Variants in SLC2A5 observed in about 807,000 individuals in gnomAD.
The protein encoded by SLC2A5 is solute carrier family 2, facilitated glucose transporter member 5.
Under a neutral mutation model 50.3 loss-of-function variants are expected in SLC2A5, and 56 were observed. The observed-to-expected ratio is 1.11, with a 90% confidence interval of 0.90 to 1.39. The LOEUF (loss-of-function observed/expected upper bound fraction) is 1.39. Ranked by LOEUF, SLC2A5 falls within the 40% of genes most tolerant of loss-of-function variation. The pLI is 0.00. For missense variants in SLC2A5, 566 were observed against 650.1 expected, an observed-to-expected ratio of 0.87 and a Z score of 1.41; for synonymous variants, 269 against 281.9, an observed-to-expected ratio of 0.95 and a Z score of 0.46.
rs371649707 is a variant in SLC2A5 at position 9,059,235 on chromosome 1, T to C, written c.34-985A>G. Among the ~76,000 whole-genome samples, 5 of 138,576 alleles carry C rather than the reference T, an allele frequency of 3.6e-5. No homozygotes were observed. In the East Asian group the frequency reaches 7.5e-4, roughly 21 times the overall value. The allele number at this position is 138,576 out of a possible 152,430, so 90.9% of individuals were successfully genotyped here. A position where few individuals can be genotyped will look rare whatever the true frequency, so the allele number is the denominator to read the frequency against. On this transcript the variant is annotated intron_variant, in intron 1 of 11. Transcript: ENST00000377424. The stretch of plus-strand genomic sequence containing the variant: ...TCGGCTCACTGCAAGCTCCGCCTCC[T>C]GGGTTCACGCCATTCTCCTGCCTTA...
chr1:9,067,960 C>T (rs576042255), intron 1 of SLC2A5, among the ~76,000 whole-genome samples: 49 of 152,068 alleles, frequency 3.2e-4, no homozygotes, highest in African/African-American at 1.1e-3. Flanking sequence ...GAGGCCGAGG[C>T]GGGCGGATCA....
intron 1 of SLC2A5, among the ~76,000 whole-genome samples, chr1:9,059,802 G>T (rs908144152): frequency 1.3e-5 from 2 of 152,028 alleles, no homozygotes; most frequent in African/African-American, 2.4e-5. Context: ...CCAAAGTGCT[G>T]GGATTGTAGG....
intron 1 of SLC2A5, among the ~76,000 whole-genome samples, chr1:9,069,191 AT>A (rs1055016522): frequency 6.6e-6 from 1 of 152,192 alleles, no homozygotes; most frequent in African/African-American, 2.4e-5. Flanking sequence ...CCATAGAAGG[AT>A]TTTGCAGCTA....
rs1641146503 is a variant in SLC2A5 at position 9,036,881 on chromosome 1, C to T, written c.*705G>A. 6.8e-6 allele frequency: 1 copy of T among 146,530 alleles called. No homozygotes were observed. The highest frequency in any genetic ancestry group is 2.2e-4 in the South Asian group (1 of 4,562). 9.1% of individuals were successfully genotyped at this position (146,530 alleles called of 1,614,324 possible). A position where few individuals can be genotyped will look rare whatever the true frequency, so the allele number is the denominator to read the frequency against. The stretch of plus-strand genomic sequence containing the variant: ...AGCAAAAATAAAAACAAAAAAAACA[C>T]TGCCTGAATGAGCAGGGAACTTCCT... On this transcript the variant is annotated 3_prime_UTR_variant, in exon 12 of 12. Coordinates refer to ENST00000377424, the MANE Select transcript of SLC2A5 (RefSeq NM_003039.3).
intron 2 of SLC2A5, among the ~76,000 whole-genome samples, chr1:9,076,893 G>A (rs994553620): frequency 6.6e-5 from 10 of 151,696 alleles, no homozygotes; most frequent in South Asian, 2.1e-4. Flanking sequence ...GGGTTCAAGC[G>A]ATTCTTCTGC....
At chr1:9,079,099 G>A (rs911511580) in intron 2 of SLC2A5, among the ~76,000 whole-genome samples, 2 of 152,090 alleles carry the variant, frequency 1.3e-5, no homozygotes, top group Admixed American at 1.3e-4. Context: ...CCACCTGGCC[G>A]CCGGAACCCA....
intron 1 of SLC2A5, among the ~76,000 whole-genome samples, chr1:9,062,108 C>T (rs1311820945): frequency 2.0e-5 from 3 of 152,140 alleles, no homozygotes; most frequent in Admixed American, 2.0e-4. Flanking sequence ...CCCTGCCGGT[C>T]CAGCCAACTT....
chr1:9,080,831 T>G (rs1050941037), intron 2 of SLC2A5, among the ~76,000 whole-genome samples: 1 of 152,246 alleles, frequency 6.6e-6, no homozygotes, highest in Admixed American at 6.5e-5. Flanking sequence ...TTATGGGACC[T>G]TTAATCCCTC....
chr1:9,076,529 G>C (rs894882903), intron 2 of SLC2A5, among the ~76,000 whole-genome samples: 4 of 152,200 alleles, frequency 2.6e-5, no homozygotes, highest in African/African-American at 9.6e-5. Flanking sequence ...TCACATGATA[G>C]CAGAAATGCC....
intron 4 of SLC2A5, among the ~76,000 whole-genome samples, chr1:9,043,626 T>G (rs1641361507): frequency 6.6e-6 from 1 of 152,044 alleles, no homozygotes; most frequent in South Asian, 2.1e-4. Context: ...GGGTTACCTG[T>G]ACGTTGGTGG....
At chr1:9,080,031 C>T (rs1642335894) in intron 2 of SLC2A5, among the ~76,000 whole-genome samples, 1 of 152,210 alleles carries the variant, frequency 6.6e-6, no homozygotes, top group Admixed American at 6.5e-5. Context: ...TGGGCACTCA[C>T]AATACCTCAT....
At chr1:9,041,469 G>A (rs769157424) in intron 5 of SLC2A5, 53 of 1,307,884 alleles carry the variant, frequency 4.1e-5, no homozygotes, top group Non-Finnish European at 5.0e-5. Flanking sequence ...CTGGCACACT[G>A]GTGGCTGTCA....
chr1:9,082,661 T>C (rs1399842318), intron 2 of SLC2A5: 1 of 193,976 alleles, frequency 5.2e-6, no homozygotes, highest in African/African-American at 2.4e-5. Context: ...ATGTGAAAGA[T>C]ACAGAATAGA....
intron 4 of SLC2A5, 122 bp downstream of exon 4, chr1:9,047,488 A>T (rs771731192): frequency 7.7e-5 from 73 of 948,910 alleles, no homozygotes; most frequent in Non-Finnish European, 1.1e-4. Context: ...GTTTCACAGC[A>T]GAGGTATAGG....
intron 1 of SLC2A5, among the ~76,000 whole-genome samples, chr1:9,059,136 CTTTT>C (rs869052429): frequency 1.9e-5 from 1 of 53,924 alleles, no homozygotes; most frequent in African/African-American, 7.7e-5. Flanking sequence ...GCCTTTCTTT[CTTTT>C]TTTTTTTTTT....
chr1:9,037,880 C>A lies in SLC2A5; in HGVS notation c.1302+17G>T. On this transcript the variant is annotated intron_variant, in intron 11 of 11. Transcript: ENST00000377424. ...ATGGGGATCTGGTGGTGAGCGTGGG[C>A]CCCGGGCCCCACTCACCTGGATGAA... 6.2e-7 allele frequency: 1 copy of A among 1,613,368 alleles called. No individual in the cohort carries two copies. Among genetic ancestry groups the A allele is most frequent in the South Asian group, 1.1e-5 (1 of 91,024 alleles).
chr1:9,080,101 G>A (rs1297489548), intron 2 of SLC2A5, among the ~76,000 whole-genome samples: 1 of 152,206 alleles, frequency 6.6e-6, no homozygotes, highest in Non-Finnish European at 1.5e-5. Context: ...CTTAGAGCAT[G>A]TCTTCATGAG....
At chr1:9,042,573 CAT>C (rs34472751) in intron 4 of SLC2A5, among the ~76,000 whole-genome samples, 74,598 of 135,230 alleles carry the variant, frequency 0.55, 20,292 homozygotes, top group East Asian at 0.74. Flanking sequence ...TGTGTGTGTA[CAT>C]ATATATATAT....
chr1:9,045,870 CA>C (rs59265235), intron 4 of SLC2A5, among the ~76,000 whole-genome samples: 41,910 of 92,812 alleles, frequency 0.45, 7,275 homozygotes, highest in East Asian at 0.67. Flanking sequence ...AACTCCATCT[CA>C]AAAAAAAAAA....
Sources: allele counts gnomAD v4.1 joint callset (sites outside exome capture counted in the v4.1 genomes callset), GRCh38; gene constraint gnomAD v4.1.1; transcripts MANE v1.5; gene names NCBI Gene and HGNC (gene_info 2026-07-23, HGNC 2026-07-21).